The following ATP8B4 variants were observed in gnomAD, a reference collection of about 807,000 sequenced individuals.
ATP8B4 encodes probable phospholipid-transporting ATPase IM.
ATP8B4 carries 133 observed loss-of-function variants against 145.6 expected under a neutral mutation model. The ratio of observed to expected loss-of-function variants is 0.91; its 90% confidence interval spans 0.79 to 1.05. The LOEUF is 1.05. ATP8B4 is among the 50% of genes least tolerant of loss of function. ATP8B4 has a pLI of 0.00. For missense variants in ATP8B4, 1,458 were observed against 1,425.2 expected (o/e 1.02, Z -0.37); for synonymous variants, 507 against 492.9 (o/e 1.03, Z -0.38).
intron 16 of ATP8B4, among the ~76,000 whole-genome samples, chr15:49,924,659 C>T (rs903693781): frequency 1.1e-4 from 16 of 152,172 alleles, no homozygotes; most frequent in Admixed American, 6.5e-5. Flanking sequence ...ATTCTAGTTT[C>T]CTCCTGGCTT....
intron 9 of ATP8B4, among the ~76,000 whole-genome samples, chr15:49,988,978 C>T (rs1372628525): frequency 6.6e-6 from 1 of 152,192 alleles, no homozygotes; most frequent in Admixed American, 6.5e-5. Context: ...CTCCACCTGT[C>T]TTTCCCCAAT....
At chr15:50,007,732 C>T (rs561107875) in intron 7 of ATP8B4, among the ~76,000 whole-genome samples, 79 of 152,228 alleles carry the variant, frequency 5.2e-4, no homozygotes, top group African/African-American at 1.9e-3. Context: ...TATAAGCTCT[C>T]TGAAGCCCCT....
chr15:49,981,405 T>A lies in ATP8B4; in HGVS notation c.749-111A>T, dbSNP rs1599602624. ...AAAAAATATATATTTTTCACAATAATTTAACTTTTATTAAGAGCAAGGGCC... is the reference window on the plus strand; with the variant it reads ...AAAAAATATATATTTTTCACAATAAATTAACTTTTATTAAGAGCAAGGGCC... On this transcript the variant is annotated intron_variant, in intron 10 of 27. Coordinates refer to ENST00000284509, the MANE Select transcript of ATP8B4 (RefSeq NM_024837.4). The A allele has an allele frequency of 3.5e-6, 3 of 866,456 alleles. No individual in the cohort carries two copies. The East Asian group carries it at 8.3e-5, about 24-fold the overall frequency. The allele number at this position is 866,456 out of a possible 1,614,324, so 53.7% of individuals were successfully genotyped here. A position where few individuals can be genotyped will look rare whatever the true frequency, so the allele number is the denominator to read the frequency against.
At chr15:50,043,127 T>C (rs1261794577) in intron 5 of ATP8B4, among the ~76,000 whole-genome samples, 1 of 152,174 alleles carries the variant, frequency 6.6e-6, no homozygotes, top group African/African-American at 2.4e-5. Context: ...GAGGAGTGAC[T>C]TGGGCTAGGA....
intron 1 of ATP8B4, among the ~76,000 whole-genome samples, chr15:50,156,115 TATAAATATA>T (rs2044413006): frequency 4.9e-5 from 1 of 20,582 alleles, no homozygotes. Flanking sequence ...TAAATATATA[TATAAATATA>T]TTTATATATA....
chr15:50,089,801 T>C (rs1462014328), intron 2 of ATP8B4, among the ~76,000 whole-genome samples: 1 of 152,126 alleles, frequency 6.6e-6, no homozygotes, highest in Non-Finnish European at 1.5e-5. Flanking sequence ...GAAGTCAGTA[T>C]GGCGATTCCT....
chr15:49,860,115 A>G lies in ATP8B4; in HGVS notation c.*79T>C. 6.7e-7 allele frequency: 1 copy of G among 1,501,200 alleles called. No individual in the cohort carries two copies. The highest frequency in any genetic ancestry group is 8.9e-7 in the Non-Finnish European group (1 of 1,118,570). The allele number at this position is 1,501,200 out of a possible 1,614,324, so 93.0% of individuals were successfully genotyped here. ...CTGCCTGCCCCACCTCTTGCCTCAAATCTCAAACTCTGGAGCCAGCAGAAT... is the reference window on the plus strand; with the variant it reads ...CTGCCTGCCCCACCTCTTGCCTCAAGTCTCAAACTCTGGAGCCAGCAGAAT... On this transcript the variant is annotated 3_prime_UTR_variant, in exon 28 of 28. Transcript: ENST00000284509.
chr15:50,156,515 C>A (rs1347690803), intron 1 of ATP8B4, among the ~76,000 whole-genome samples: 2 of 151,822 alleles, frequency 1.3e-5, no homozygotes, highest in Admixed American at 6.6e-5. Context: ...CTTTTTTTGG[C>A]TGGAATATCA....
chr15:49,974,681 TG>T (rs1228995555), intron 12 of ATP8B4, among the ~76,000 whole-genome samples: 1 of 152,182 alleles, frequency 6.6e-6, no homozygotes, highest in African/African-American at 2.4e-5. Context: ...CATTTTTCTT[TG>T]TTTTTATTGA....
At chr15:50,154,031 CATAA>C in intron 1 of ATP8B4, among the ~76,000 whole-genome samples, 1 of 152,172 alleles carries the variant, frequency 6.6e-6, no homozygotes, top group Non-Finnish European at 1.5e-5. Context: ...TTTAGAAAGA[CATAA>C]ATAATTCCCT....
chr15:49,965,089 A>C (rs1463643715), intron 13 of ATP8B4, among the ~76,000 whole-genome samples: 1 of 152,202 alleles, frequency 6.6e-6, no homozygotes, highest in East Asian at 1.9e-4. Flanking sequence ...TAATACATTG[A>C]TATAACAATG....
intron 1 of ATP8B4, among the ~76,000 whole-genome samples, chr15:50,158,904 C>CCA (rs2044472874): frequency 6.6e-6 from 1 of 152,164 alleles, no homozygotes; most frequent in Non-Finnish European, 1.5e-5. Flanking sequence ...TGCTTGAAGG[C>CCA]AGCATGCTCC....
chr15:50,032,806 GA>G (rs1195144128), intron 6 of ATP8B4, among the ~76,000 whole-genome samples: 4 of 151,952 alleles, frequency 2.6e-5, no homozygotes, highest in East Asian at 3.9e-4. Flanking sequence ...TCTTGGCATA[GA>G]AAAAAAGACA....
chr15:49,864,976 T>C (rs929376920), intron 26 of ATP8B4, among the ~76,000 whole-genome samples: 2 of 152,236 alleles, frequency 1.3e-5, no homozygotes, highest in Non-Finnish European at 2.9e-5. Context: ...TTAAAACTCC[T>C]TGAAATCCTC....
intron 2 of ATP8B4, among the ~76,000 whole-genome samples, chr15:50,101,783 A>G (rs1455783665): frequency 6.6e-6 from 1 of 152,194 alleles, no homozygotes; most frequent in East Asian, 1.9e-4. Context: ...ACAAATGCAG[A>G]ATACACATTC....
At chr15:49,940,134 A>T (rs113244566) in intron 14 of ATP8B4, among the ~76,000 whole-genome samples, 2,812 of 152,298 alleles carry the variant, frequency 0.018, 86 homozygotes, top group African/African-American at 0.064. Context: ...TAGCAAAGAC[A>T]TGGAATCAAC....
At chr15:49,977,292 C>T (rs146374293) in intron 12 of ATP8B4, among the ~76,000 whole-genome samples, 1 of 152,134 alleles carries the variant, frequency 6.6e-6, no homozygotes, top group African/African-American at 2.4e-5. Context: ...GACCGAGAAA[C>T]CTGAAATTCC....
intron 3 of ATP8B4, among the ~76,000 whole-genome samples, chr15:50,056,167 G>A (rs987624405): frequency 2.6e-5 from 4 of 152,130 alleles, no homozygotes; most frequent in Admixed American, 1.3e-4. Flanking sequence ...AGCAGAAAAC[G>A]TGTATGAGGA....
intron 7 of ATP8B4, chr15:50,009,753 A>G (rs2048588306): frequency 4.5e-6 from 2 of 447,586 alleles, no homozygotes; most frequent in Middle Eastern, 7.3e-4. Flanking sequence ...AGAACCTGGC[A>G]AACTGTTCTA....
Sources: gnomAD v4.1 joint callset for allele counts (sites outside exome capture counted in the v4.1 genomes callset) on GRCh38, gnomAD v4.1.1 for gene constraint, MANE v1.5 for transcripts, NCBI Gene and HGNC (gene_info 2026-07-23, HGNC 2026-07-21) for gene names.